SVOP: variants seen among roughly 807,000 people sequenced by gnomAD.
The protein encoded by SVOP is synaptic vesicle 2-related protein.
Under a neutral mutation model 69.1 loss-of-function variants are expected in SVOP, and 17 were observed. That is an observed-to-expected ratio of 0.25 (90% CI 0.17 to 0.37). The LOEUF is 0.37. SVOP is among the 10% of genes least tolerant of loss of function. The pLI is 1.00. For synonymous variants in SVOP, 238 were observed against 238.6 expected (o/e 1.00, Z 0.02); for missense variants, 435 against 597.5 (o/e 0.73, Z 2.84).
intron 6 of SVOP, among the ~76,000 whole-genome samples, chr12:108,948,632 C>T (rs1446927003): frequency 6.6e-6 from 1 of 152,228 alleles, no homozygotes; most frequent in African/African-American, 2.4e-5. Flanking sequence ...AGGCTGAAGT[C>T]TTTGTCTTCA....
chr12:108,922,927 C>T (rs1257929161), intron 11 of SVOP, 130 bp from the exon 12 acceptor site: 4 of 648,360 alleles, frequency 6.2e-6, no homozygotes, highest in South Asian at 3.7e-5. Flanking sequence ...GACTCAGAGA[C>T]AGACAGATTC....
intron 1 of SVOP, among the ~76,000 whole-genome samples, chr12:108,996,696 T>G (rs2135615410): frequency 6.6e-6 from 1 of 152,246 alleles, no homozygotes; most frequent in South Asian, 2.1e-4. Context: ...TTTGGGAGGC[T>G]GAGGCTGGAA....
At chr12:108,924,460 A>G (rs2039768533) in intron 11 of SVOP, among the ~76,000 whole-genome samples, 1 of 152,122 alleles carries the variant, frequency 6.6e-6, no homozygotes, top group Non-Finnish European at 1.5e-5. Context: ...AAAGCCTTGG[A>G]GGTATCCTTG....
chr12:108,993,358 C>T (rs77335026), intron 1 of SVOP, among the ~76,000 whole-genome samples: 141,617 of 149,078 alleles, frequency 0.95, 67,720 homozygotes, highest in East Asian at 1. Flanking sequence ...GTAAAGTCTA[C>T]GTTATGTGTA....
intron 1 of SVOP, among the ~76,000 whole-genome samples, chr12:109,017,985 A>G (rs903022916): frequency 6.6e-6 from 1 of 152,194 alleles, no homozygotes; most frequent in Non-Finnish European, 1.5e-5. Flanking sequence ...TAAATGTACT[A>G]TTGGACATTG....
chr12:108,912,822 A>G, intron 15 of SVOP, 81 bp from the exon 16 acceptor site: 2 of 1,372,966 alleles, frequency 1.5e-6, no homozygotes, highest in Non-Finnish European at 2.0e-6. Flanking sequence ...TATTAGTAAC[A>G]TCAGGCCCTC....
At chr12:108,991,332 G>A (rs2040199033) in intron 1 of SVOP, among the ~76,000 whole-genome samples, 2 of 152,088 alleles carry the variant, frequency 1.3e-5, no homozygotes. Flanking sequence ...CTGCATGGTG[G>A]CTCACGCCTC....
chr12:109,020,755 C>CAA, intron 1 of SVOP, 79 bp downstream of exon 1: 2 of 174,598 alleles, frequency 1.1e-5, no homozygotes, highest in South Asian at 6.0e-5. Flanking sequence ...CAGAGATGTA[C>CAA]CCCCCCCCAC....
At chr12:108,941,677 T>C (rs1228576342) in intron 7 of SVOP, among the ~76,000 whole-genome samples, 1 of 152,096 alleles carries the variant, frequency 6.6e-6, no homozygotes, top group African/African-American at 2.4e-5. Flanking sequence ...TTTTTCTTTT[T>C]TTGAGACAGA....
At chr12:108,989,135 T>C (rs1454144477) in intron 1 of SVOP, among the ~76,000 whole-genome samples, 1 of 151,898 alleles carries the variant, frequency 6.6e-6, no homozygotes, top group East Asian at 1.9e-4. Flanking sequence ...AATGGCACTA[T>C]TATAGCTCCC....
At chr12:108,992,296 T>C (rs1460638908) in intron 1 of SVOP, among the ~76,000 whole-genome samples, 2 of 150,056 alleles carry the variant, frequency 1.3e-5, no homozygotes, top group African/African-American at 4.9e-5. Context: ...ATCCCAGCAC[T>C]TTAGGAGGCG....
At chr12:108,981,146 G>C (rs1287693031) in intron 2 of SVOP, among the ~76,000 whole-genome samples, 3 of 152,214 alleles carry the variant, frequency 2.0e-5, no homozygotes, top group Non-Finnish European at 4.4e-5. Context: ...ACAGTAGTGA[G>C]ACTATTGTGG....
rs1222946907 is a variant in SVOP at position 108,940,165 on chromosome 12, A to G, written c.768+619T>C. Among the ~76,000 whole-genome samples, 7 of 152,344 alleles carry G rather than the reference A, an allele frequency of 4.6e-5. No individual in the cohort carries two copies. In the East Asian group the frequency reaches 1.3e-3, roughly 29 times the overall value. On this transcript the variant is annotated intron_variant, in intron 8 of 15. Transcript: ENST00000610966. ...ATGCATGGAGCACAGAGCCTGCCAC[A>G]CAGTTAAGCTTAATAATTATTAATA...
At chr12:108,956,109 G>A (rs2039984130) in intron 6 of SVOP, among the ~76,000 whole-genome samples, 2 of 151,544 alleles carry the variant, frequency 1.3e-5, no homozygotes, top group Admixed American at 6.6e-5. Flanking sequence ...GACCATCCTG[G>A]CCAACATGGT....
At chr12:108,965,998 CTTCCT>C (rs1427672761) in intron 5 of SVOP, among the ~76,000 whole-genome samples, 2 of 148,732 alleles carry the variant, frequency 1.3e-5, no homozygotes, top group Non-Finnish European at 3.0e-5. Context: ...CCCTCCCTTC[CTTCCT>C]TTCCTTTCCT....
At chr12:109,017,592 C>T (rs2040374557) in intron 1 of SVOP, among the ~76,000 whole-genome samples, 1 of 152,100 alleles carries the variant, frequency 6.6e-6, no homozygotes, top group South Asian at 2.1e-4. Context: ...CTGTGTTGCC[C>T]AGGCTGGAGT....
intron 5 of SVOP, among the ~76,000 whole-genome samples, chr12:108,970,244 T>C (rs146843072): frequency 0.7 from 105,683 of 151,544 alleles, 37,295 homozygotes; most frequent in South Asian, 0.79. Context: ...ACAGGCATCA[T>C]AGTGAAGACA....
At chr12:108,965,814 C>T (rs1772520458) in intron 5 of SVOP, among the ~76,000 whole-genome samples, 2 of 152,170 alleles carry the variant, frequency 1.3e-5, no homozygotes, top group Admixed American at 6.5e-5. Context: ...CGAGCGCCTG[C>T]CAGGCACCTT....
At chr12:108,932,880 C>CT (rs1020831550) in intron 11 of SVOP, among the ~76,000 whole-genome samples, 16 of 151,142 alleles carry the variant, frequency 1.1e-4, no homozygotes, top group East Asian at 3.9e-4. Context: ...AAATATAATT[C>CT]TTTTTTTTTC....
Sources: allele counts gnomAD v4.1 joint callset (sites outside exome capture counted in the v4.1 genomes callset), GRCh38; gene constraint gnomAD v4.1.1; transcripts MANE v1.5; gene names NCBI Gene and HGNC (gene_info 2026-07-23, HGNC 2026-07-21).